The following SPOCK3 variants were observed in gnomAD, a reference collection of about 807,000 sequenced individuals.
SPOCK3 encodes the protein testican-3.
In SPOCK3, 30 loss-of-function variants were observed where a neutral mutation model predicts 56.6. That is an observed-to-expected ratio of 0.53 (90% confidence interval 0.40 to 0.72). The LOEUF (loss-of-function observed/expected upper bound fraction) is 0.72. Among genes scored for constraint, SPOCK3 ranks in the 30% least tolerant of loss-of-function variants. The pLI is 0.00. For missense variants in SPOCK3, 527 were observed against 530.0 expected (o/e 0.99, Z 0.06); for synonymous variants, 196 against 183.3 (o/e 1.07, Z -0.56).
At chr4:166,767,581 C>A (rs968889961) in intron 7 of SPOCK3, among the ~76,000 whole-genome samples, 1 of 152,174 alleles carries the variant, frequency 6.6e-6, no homozygotes, top group Non-Finnish European at 1.5e-5. Context: ...TGTTCTTTTA[C>A]ATTTGCTGAG....
At chr4:166,897,124 T>C (rs1304618503) in intron 5 of SPOCK3, among the ~76,000 whole-genome samples, 1 of 152,166 alleles carries the variant, frequency 6.6e-6, no homozygotes, top group East Asian at 1.9e-4. Context: ...ATTGGAACTA[T>C]TGTATCAGAT....
chr4:167,234,204 G>C, intron 1 of SPOCK3, 31 bp from the exon 2 acceptor site: 1 of 1,580,950 alleles, frequency 6.3e-7, no homozygotes, highest in Non-Finnish European at 8.7e-7. Flanking sequence ...GGGGGTGGGG[G>C]GGCATGTCAG....
At chr4:166,746,292 T>C (rs946763580) in intron 8 of SPOCK3, among the ~76,000 whole-genome samples, 2 of 152,158 alleles carry the variant, frequency 1.3e-5, no homozygotes, top group African/African-American at 4.8e-5. Context: ...ACAAACTGTC[T>C]CTCAGACCAC....
chr4:166,786,085 G>C (rs1278825669), intron 7 of SPOCK3, among the ~76,000 whole-genome samples: 1 of 152,078 alleles, frequency 6.6e-6, no homozygotes, highest in East Asian at 1.9e-4. Flanking sequence ...ACATAAAGAG[G>C]AGGTGAATGC....
intron 5 of SPOCK3, among the ~76,000 whole-genome samples, chr4:166,903,963 G>A (rs932877200): frequency 2.0e-5 from 3 of 151,834 alleles, no homozygotes; most frequent in African/African-American, 7.3e-5. Flanking sequence ...GATATAGATA[G>A]ATACAATATA....
intron 8 of SPOCK3, among the ~76,000 whole-genome samples, chr4:166,751,157 T>C (rs1204294907): frequency 6.6e-6 from 1 of 152,188 alleles, no homozygotes; most frequent in East Asian, 1.9e-4. Context: ...TTAGATTCAT[T>C]TCATTCATAG....
At chr4:167,231,353 T>G (rs1158864643) in intron 2 of SPOCK3, among the ~76,000 whole-genome samples, 1 of 152,022 alleles carries the variant, frequency 6.6e-6, no homozygotes, top group Non-Finnish European at 1.5e-5. Context: ...AAGCAATAAT[T>G]ATGCTGATGC....
intron 2 of SPOCK3, among the ~76,000 whole-genome samples, chr4:167,151,627 G>C (rs1764433561): frequency 6.6e-6 from 1 of 151,852 alleles, no homozygotes; most frequent in African/African-American, 2.4e-5. Flanking sequence ...AGTAGAGACG[G>C]GGTTTCACTA....
chr4:167,137,909 C>T (rs964243622), intron 2 of SPOCK3, among the ~76,000 whole-genome samples: 1 of 151,678 alleles, frequency 6.6e-6, no homozygotes, highest in Non-Finnish European at 1.5e-5. Flanking sequence ...TGGTTTTAAG[C>T]CAAGGTAATC....
At chr4:166,812,504 G>T (rs942423257) in intron 6 of SPOCK3, among the ~76,000 whole-genome samples, 1 of 151,896 alleles carries the variant, frequency 6.6e-6, no homozygotes, top group African/African-American at 2.4e-5. Context: ...AGGTGATAGA[G>T]ATTCACTTAA....
chr4:166,849,352 T>A (rs1028426518), intron 6 of SPOCK3, among the ~76,000 whole-genome samples: 1 of 152,178 alleles, frequency 6.6e-6, no homozygotes, highest in South Asian at 2.1e-4. Context: ...ATCTGTTCAT[T>A]CTGTACTATA....
At chr4:166,990,652 G>A (rs1267154995) in intron 4 of SPOCK3, among the ~76,000 whole-genome samples, 5 of 151,980 alleles carry the variant, frequency 3.3e-5, no homozygotes, top group Admixed American at 2.6e-4. Flanking sequence ...TTGACTAGGA[G>A]GAGGTTTAGC....
At chr4:166,736,890 A>G (rs1381963150) in intron 10 of SPOCK3, among the ~76,000 whole-genome samples, 1 of 152,166 alleles carries the variant, frequency 6.6e-6, no homozygotes, top group East Asian at 1.9e-4. Flanking sequence ...TCTATTTTAA[A>G]TATATACATA....
chr4:167,149,112 A>C (rs1764202676), intron 2 of SPOCK3, among the ~76,000 whole-genome samples: 1 of 152,142 alleles, frequency 6.6e-6, no homozygotes, highest in African/African-American at 2.4e-5. Context: ...AAGCCATGTG[A>C]CCACAAGAGC....
At chr4:166,915,376 A>G (rs1737734209) in intron 4 of SPOCK3, among the ~76,000 whole-genome samples, 1 of 152,152 alleles carries the variant, frequency 6.6e-6, no homozygotes, top group African/African-American at 2.4e-5. Context: ...GGCATCAGAG[A>G]TTGTTCTCAG....
At chr4:166,873,974 G>A (rs538985971) in intron 6 of SPOCK3, among the ~76,000 whole-genome samples, 1 of 152,270 alleles carries the variant, frequency 6.6e-6, no homozygotes, top group South Asian at 2.1e-4. Flanking sequence ...TGTCTCTCGT[G>A]TGTACATGCA....
At chr4:167,084,034 G>T (rs952245816) in intron 2 of SPOCK3, among the ~76,000 whole-genome samples, 3 of 152,006 alleles carry the variant, frequency 2.0e-5, no homozygotes, top group Non-Finnish European at 4.4e-5. Context: ...AATAATCCTT[G>T]GTTTGCAATG....
chr4:166,875,338 G>A (rs1037757088), intron 6 of SPOCK3, among the ~76,000 whole-genome samples: 1 of 151,808 alleles, frequency 6.6e-6, no homozygotes, highest in South Asian at 2.1e-4. Flanking sequence ...TAATTTTAAT[G>A]GTGAAATACT....
intron 3 of SPOCK3, among the ~76,000 whole-genome samples, chr4:167,024,205 T>G (rs1751474286): frequency 6.6e-6 from 1 of 151,996 alleles, no homozygotes; most frequent in African/African-American, 2.4e-5. Flanking sequence ...GCGCACAACT[T>G]CTACTCAACT....
Sources: gnomAD v4.1 joint callset for allele counts (sites outside exome capture counted in the v4.1 genomes callset) on GRCh38, gnomAD v4.1.1 for gene constraint, MANE v1.5 for transcripts, NCBI Gene and HGNC (gene_info 2026-07-23, HGNC 2026-07-21) for gene names.